The following EBF1 variants were observed in gnomAD, a reference collection of about 807,000 sequenced individuals.
EBF1 encodes the protein transcription factor COE1.
Under a neutral mutation model 68.4 loss-of-function variants are expected in EBF1, and 10 were observed. The observed-to-expected ratio is 0.15, with a 90% CI of 0.09 to 0.25. The LOEUF (loss-of-function observed/expected upper bound fraction) is 0.25, where lower values mean the gene tolerates loss of function less well. Ranked by LOEUF, EBF1 falls within the 10% of genes least tolerant of loss-of-function variation. The pLI, the probability that EBF1 is intolerant of heterozygous loss-of-function variation, is 1.00. For missense variants in EBF1, 509 were observed against 794.4 expected, an observed-to-expected ratio of 0.64 and a Z score of 4.32; for synonymous variants, 298 against 299.8, an observed-to-expected ratio of 0.99 and a Z score of 0.06.
chr5:158,769,178 G>T (rs1773382486), intron 10 of EBF1, among the ~76,000 whole-genome samples: 1 of 152,132 alleles, frequency 6.6e-6, no homozygotes, highest in African/African-American at 2.4e-5. Flanking sequence ...CGGTTTCATT[G>T]GTAGGAAATA....
intron 8 of EBF1, among the ~76,000 whole-genome samples, chr5:158,815,388 T>C (rs1329997945): frequency 1.3e-5 from 2 of 152,206 alleles, no homozygotes; most frequent in African/African-American, 4.8e-5. Context: ...ACCTCAGTTT[T>C]CTCATCTGTA....
intron 6 of EBF1, among the ~76,000 whole-genome samples, chr5:158,960,394 A>G (rs1754807856): frequency 2.0e-5 from 3 of 152,180 alleles, no homozygotes; most frequent in Admixed American, 2.0e-4. Context: ...CAAAGAACTA[A>G]AAGAAAATAT....
chr5:158,740,399 A>G (rs1185207961), intron 10 of EBF1, among the ~76,000 whole-genome samples: 1 of 152,336 alleles, frequency 6.6e-6, no homozygotes, highest in South Asian at 2.1e-4. Context: ...TGTTTCCTCC[A>G]AACCAGTGGA....
intron 6 of EBF1, among the ~76,000 whole-genome samples, chr5:158,853,637 T>C (rs1182749371): frequency 2.0e-5 from 3 of 151,848 alleles, no homozygotes; most frequent in Non-Finnish European, 4.4e-5. Flanking sequence ...GAAGGAGGTG[T>C]GCTGAGAGGG....
intron 9 of EBF1, among the ~76,000 whole-genome samples, chr5:158,796,076 T>C (rs988925924): frequency 2.6e-5 from 4 of 152,086 alleles, no homozygotes; most frequent in Admixed American, 6.6e-5. Flanking sequence ...CAATAGGACC[T>C]CCACACCATG....
At chr5:158,815,943 A>G (rs955776453) in intron 8 of EBF1, among the ~76,000 whole-genome samples, 3 of 152,222 alleles carry the variant, frequency 2.0e-5, no homozygotes, top group African/African-American at 7.2e-5. Flanking sequence ...GCTCTATTTT[A>G]TGACACAGCT....
chr5:158,798,745 G>A (rs1252071462), intron 8 of EBF1, among the ~76,000 whole-genome samples: 1 of 152,144 alleles, frequency 6.6e-6, no homozygotes, highest in African/African-American at 2.4e-5. Context: ...ATGCCTCAGA[G>A]GCAAGAAAGA....
intron 11 of EBF1, among the ~76,000 whole-genome samples, chr5:158,716,349 T>TCCTTCTTTGATCCATGATGCTG (rs1449729396): frequency 8.5e-5 from 13 of 152,190 alleles, no homozygotes; most frequent in Admixed American, 2.6e-4. Context: ...TAAAGGAGCA[T>TCCTTCTTTGATCCATGATGCTG]CCTTCTTTGA....
intron 6 of EBF1, among the ~76,000 whole-genome samples, chr5:159,004,105 C>T (rs180992475): frequency 6.6e-6 from 1 of 151,894 alleles, no homozygotes; most frequent in Non-Finnish European, 1.5e-5. Context: ...GGTGAAACCC[C>T]GTCTCTACTA....
At chr5:158,757,362 T>G (rs1770355574) in intron 10 of EBF1, among the ~76,000 whole-genome samples, 1 of 152,182 alleles carries the variant, frequency 6.6e-6, no homozygotes, top group Non-Finnish European at 1.5e-5. Context: ...AGACTTTAAC[T>G]GTCTCTCATT....
chr5:158,998,702 T>C (rs577324539), intron 6 of EBF1, among the ~76,000 whole-genome samples: 14 of 152,204 alleles, frequency 9.2e-5, no homozygotes, highest in Non-Finnish European at 1.8e-4. Flanking sequence ...AAGGAAACTA[T>C]ATGTAGAAAA....
intron 9 of EBF1, 23 bp from the exon 10 acceptor site, chr5:158,777,562 A>T (rs758617547): frequency 2.5e-6 from 4 of 1,576,724 alleles, no homozygotes; most frequent in African/African-American, 1.4e-5. Flanking sequence ...TTTGGGGGGA[A>T]AAATTGTCAT....
intron 10 of EBF1, among the ~76,000 whole-genome samples, chr5:158,760,298 C>T (rs1771123603): frequency 6.6e-6 from 1 of 152,034 alleles, no homozygotes; most frequent in African/African-American, 2.4e-5. Context: ...TTTCCATGGC[C>T]CAACGTGGCA....
At chr5:159,004,934 C>A (rs974208977) in intron 6 of EBF1, among the ~76,000 whole-genome samples, 13 of 152,192 alleles carry the variant, frequency 8.5e-5, no homozygotes, top group African/African-American at 3.1e-4. Flanking sequence ...ACACTCCCAG[C>A]ATGTCACGGA....
At chr5:158,830,452 G>C (rs1190746381) in intron 7 of EBF1, among the ~76,000 whole-genome samples, 1 of 152,152 alleles carries the variant, frequency 6.6e-6, no homozygotes, top group African/African-American at 2.4e-5. Context: ...TATATTTTTA[G>C]TAGAGACGGT....
At chr5:158,939,826 T>C (rs936521452) in intron 6 of EBF1, among the ~76,000 whole-genome samples, 1 of 152,128 alleles carries the variant, frequency 6.6e-6, no homozygotes, top group African/African-American at 2.4e-5. Context: ...TGGAAATCTG[T>C]CCTTCTTGGA....
At chr5:158,924,168 G>A (rs1277173333) in intron 6 of EBF1, among the ~76,000 whole-genome samples, 1 of 152,206 alleles carries the variant, frequency 6.6e-6, no homozygotes, top group East Asian at 1.9e-4. Context: ...TCTGCCCCAT[G>A]ATGGGTAAAC....
chr5:159,077,971 C>T (rs1370943341), intron 5 of EBF1, among the ~76,000 whole-genome samples: 4 of 152,004 alleles, frequency 2.6e-5, no homozygotes. Context: ...AATTCCCTGG[C>T]TCAAGCAATC....
intron 12 of EBF1, among the ~76,000 whole-genome samples, chr5:158,713,523 GGT>G (rs573523445): frequency 1.5e-3 from 226 of 152,256 alleles, no homozygotes; most frequent in African/African-American, 5.1e-3. Flanking sequence ...GGAAGTCTGA[GGT>G]TACCCAGGGG....
Sources: gnomAD v4.1 joint callset for allele counts (sites outside exome capture counted in the v4.1 genomes callset) on GRCh38, gnomAD v4.1.1 for gene constraint, MANE v1.5 for transcripts, NCBI Gene and HGNC (gene_info 2026-07-23, HGNC 2026-07-21) for gene names.